The following ELAVL4 variants were observed in gnomAD, a reference collection of about 807,000 sequenced individuals.
ELAVL4 encodes ELAV like RNA binding protein 4, also known as ELAV-like protein 4.
Under a neutral mutation model 35.6 loss-of-function variants are expected in ELAVL4, and 1 was observed. That is an observed-to-expected ratio of 0.03 (90% CI 0.01 to 0.13). The LOEUF (loss-of-function observed/expected upper bound fraction) is 0.13, where lower values mean the gene tolerates loss of function less well. Ranked by LOEUF, ELAVL4 falls within the 10% of genes least tolerant of loss-of-function variation. The probability of loss-of-function intolerance (pLI) is 1.00; values close to 1 mark genes in which losing one functional copy is unlikely to be tolerated. For synonymous variants in ELAVL4, 156 were observed against 171.0 expected (o/e 0.91, Z 0.69); for missense variants, 267 against 464.9 (o/e 0.57, Z 3.91).
At chr1:50,155,249 C>T (rs1465117794) in intron 2 of ELAVL4, among the ~76,000 whole-genome samples, 7 of 145,330 alleles carry the variant, frequency 4.8e-5, no homozygotes, top group Non-Finnish European at 1.0e-4. Flanking sequence ...GTTCAATTCC[C>T]ATCTAGGAGT....
intron 6 of ELAVL4, among the ~76,000 whole-genome samples, chr1:50,200,398 A>G (rs1467299883): frequency 6.6e-6 from 1 of 152,136 alleles, no homozygotes; most frequent in Non-Finnish European, 1.5e-5. Flanking sequence ...TCTATGTGTC[A>G]CTATATCTGT....
rs1644378142 is a variant in ELAVL4, at chr1:50,201,209, T to G, written c.*31T>G. On this transcript the variant is annotated 3_prime_UTR_variant, in exon 7 of 7. Coordinates refer to ENST00000371824, the MANE Select transcript of ELAVL4 (RefSeq NM_001144774.3). This position sits in a 1 kb window ranked among gnomAD's most constrained non-coding sequence, Gnocchi z 4.3. ...CCATTCTTACTTACTAAAATATATA[T>G]AGAAATATATACGAACAAAACACAC... is the stretch of plus-strand genomic sequence containing the variant. The G allele has an allele frequency of 7.3e-6, 11 of 1,511,676 alleles. No individual in the cohort carries two copies. The highest frequency in any genetic ancestry group is 1.4e-5 in the African/African-American group (1 of 70,258). The allele number at this position is 1,511,676 out of a possible 1,614,324, so 93.6% of individuals were successfully genotyped here.
At chr1:50,199,856 A>G (rs923290335) in intron 6 of ELAVL4, among the ~76,000 whole-genome samples, 4 of 152,246 alleles carry the variant, frequency 2.6e-5, no homozygotes, top group African/African-American at 7.2e-5. Context: ...CAAATTACAC[A>G]AGGATTTATT....
Position 50,144,943 on chromosome 1 carries a change from T to C in ELAVL4, c.10-14T>C. The C allele has an allele frequency of 6.2e-7, 1 of 1,600,008 alleles. No individual in the cohort carries two copies. ...TTTCAAAAGGCTTTTTCAATTGTTT[T>C]TATTTTTATTTAGATAATTAGCACC... On this transcript the variant is annotated splice_polypyrimidine_tract_variant and intron_variant, in intron 1 of 6. Coordinates refer to ENST00000371824, the MANE Select transcript of ELAVL4 (RefSeq NM_001144774.3).
intron 1 of ELAVL4, among the ~76,000 whole-genome samples, chr1:50,142,968 C>T (rs952188960): frequency 2.6e-5 from 4 of 152,174 alleles, no homozygotes; most frequent in Non-Finnish European, 5.9e-5. Context: ...GAGCAGATGA[C>T]ACTCCATACA....
chr1:50,158,594 C>T (rs77016206), intron 2 of ELAVL4, among the ~76,000 whole-genome samples: 9,637 of 152,250 alleles, frequency 0.063, 413 homozygotes, highest in Middle Eastern at 0.16. Flanking sequence ...ACTTGTACAA[C>T]TTGTACCAAC....
chr1:50,062,968 C>A lies in ELAVL4; in HGVS notation c.18+14786C>A, dbSNP rs117393597. 2.6e-5 allele frequency among the ~76,000 whole-genome samples: 4 copies of A among 152,298 alleles called. No individual in the cohort carries two copies. The South Asian group carries it at 8.3e-4, about 32-fold the overall frequency. On this transcript the variant is annotated intron_variant, in intron 1 of 6. Coordinates refer to the ELAVL4 transcript ENST00000448907. Reference sequence around the variant, plus strand: ...CATGTGTCAGGCCCAGTGCCAGGTTCTGTTCACACAGTGGTGAACAAAAAG... The same window carrying A: ...CATGTGTCAGGCCCAGTGCCAGGTTATGTTCACACAGTGGTGAACAAAAAG...
intron 2 of ELAVL4, among the ~76,000 whole-genome samples, chr1:50,163,127 C>T (rs1677093291): frequency 6.6e-6 from 1 of 152,208 alleles, no homozygotes; most frequent in African/African-American, 2.4e-5. Context: ...GTGTCCTCTC[C>T]TTCTGGAATG....
chr1:50,182,870 C>CTT, intron 3 of ELAVL4, among the ~76,000 whole-genome samples: 1 of 146,114 alleles, frequency 6.8e-6, no homozygotes. Flanking sequence ...TATTTCCATC[C>CTT]TTTTTTTTTT....
chr1:50,086,651 G>A (rs1665260043), intron 1 of ELAVL4, among the ~76,000 whole-genome samples: 1 of 152,076 alleles, frequency 6.6e-6, no homozygotes, highest in Admixed American at 6.6e-5. Flanking sequence ...TTTAAACCCA[G>A]AAGCATGCAT....
At chr1:50,197,919 T>G (rs1644155336) in intron 6 of ELAVL4, among the ~76,000 whole-genome samples, 1 of 152,230 alleles carries the variant, frequency 6.6e-6, no homozygotes, top group Non-Finnish European at 1.5e-5. Flanking sequence ...TTATGATTTT[T>G]CAGTAGAAAA....
intron 1 of ELAVL4, among the ~76,000 whole-genome samples, chr1:50,143,512 G>C (rs1673168778): frequency 6.6e-6 from 1 of 152,162 alleles, no homozygotes; most frequent in South Asian, 2.1e-4. Flanking sequence ...CTTTACATAA[G>C]TCATATCACT....
chr1:50,158,827 T>A (rs1676219667), intron 2 of ELAVL4, among the ~76,000 whole-genome samples: 1 of 151,958 alleles, frequency 6.6e-6, no homozygotes, highest in African/African-American at 2.4e-5. Context: ...GATCACGAGG[T>A]CAGGAGTTTA....
chr1:50,169,792 A>G (rs1678656854), intron 2 of ELAVL4, among the ~76,000 whole-genome samples: 1 of 152,174 alleles, frequency 6.6e-6, no homozygotes, highest in Non-Finnish European at 1.5e-5. Flanking sequence ...TACTCTACTC[A>G]GTCAGAATCA....
intron 1 of ELAVL4, among the ~76,000 whole-genome samples, chr1:50,110,867 C>T (rs1041532014): frequency 3.3e-5 from 5 of 151,928 alleles, no homozygotes; most frequent in African/African-American, 1.2e-4. Flanking sequence ...AAAGCGATAG[C>T]TGGGAGGAAA....
At position 50,201,240 on chromosome 1, in the gene ELAVL4, C is replaced by T; in HGVS notation, c.*62C>T. On this transcript the variant is annotated 3_prime_UTR_variant, in exon 7 of 7. Coordinates refer to ENST00000371824, the MANE Select transcript of ELAVL4 (RefSeq NM_001144774.3). This position sits in a 1 kb window ranked among gnomAD's most constrained non-coding sequence, Gnocchi z 4.3. ...TATATACGAACAAAACACACGCGCGCACACACACACATACACGAAAGAGAG... is the reference window on the plus strand; with the variant it reads ...TATATACGAACAAAACACACGCGCGTACACACACACATACACGAAAGAGAG... 1 of 1,433,724 alleles carries T rather than the reference C, an allele frequency of 7.0e-7. No individual in the cohort carries two copies. 88.8% of individuals were successfully genotyped at this position (1,433,724 alleles called of 1,614,324 possible). A position where few individuals can be genotyped will look rare whatever the true frequency, so the allele number is the denominator to read the frequency against.
upstream of ELAVL4, among the ~76,000 whole-genome samples, chr1:50,108,299 G>A (rs559906895): frequency 2.0e-5 from 3 of 152,160 alleles, no homozygotes; most frequent in East Asian, 1.9e-4. Flanking sequence ...CCTAGTTCAC[G>A]GAGCAAGCTT....
chr1:50,129,915 A>G (rs2148631275), intron 1 of ELAVL4, among the ~76,000 whole-genome samples: 1 of 152,172 alleles, frequency 6.6e-6, no homozygotes, highest in East Asian at 1.9e-4. Context: ...GTGCCTTCAG[A>G]TTTGTTGTTT....
chr1:50,198,083 G>A (rs1010667636), intron 6 of ELAVL4, among the ~76,000 whole-genome samples: 1 of 152,146 alleles, frequency 6.6e-6, no homozygotes, highest in African/African-American at 2.4e-5. Context: ...TTTGTTACAG[G>A]TTTTAACAGT....
Sources: allele counts gnomAD v4.1 joint callset (sites outside exome capture counted in the v4.1 genomes callset), GRCh38; gene constraint gnomAD v4.1.1; non-coding constraint Gnocchi (gnomAD v3.1); transcripts MANE v1.5; gene names NCBI Gene and HGNC (gene_info 2026-07-23, HGNC 2026-07-21).